RGS22: variants seen among roughly 807,000 people sequenced by gnomAD.
RGS22 encodes regulator of G-protein signaling 22.
In RGS22, 148 loss-of-function variants were observed where a neutral mutation model predicts 172.9. That is an observed-to-expected ratio of 0.86 (90% CI 0.75 to 0.98). RGS22 has a LOEUF of 0.98. Among genes scored for constraint, RGS22 ranks in the 50% least tolerant of loss-of-function variants. The pLI is 0.00. For missense variants in RGS22, 1,347 were observed against 1,440.8 expected (o/e 0.93, Z 1.05); for synonymous variants, 458 against 480.2 (o/e 0.95, Z 0.60).
At chr8:100,099,253 A>C (rs1813276932) in intron 2 of RGS22, among the ~76,000 whole-genome samples, 1 of 152,076 alleles carries the variant, frequency 6.6e-6, no homozygotes, top group Non-Finnish European at 1.5e-5. Flanking sequence ...CCAATCCAAT[A>C]CTTCGAATTA....
intron 9 of RGS22, among the ~76,000 whole-genome samples, chr8:100,060,444 AC>A: frequency 6.8e-6 from 1 of 146,284 alleles, no homozygotes; most frequent in South Asian, 2.2e-4. Context: ...ACACACACGC[AC>A]CCCAACTTTA....
At chr8:99,984,180 G>A (rs932958573) in intron 21 of RGS22, among the ~76,000 whole-genome samples, 1 of 152,070 alleles carries the variant, frequency 6.6e-6, no homozygotes, top group Non-Finnish European at 1.5e-5. Flanking sequence ...CAGCTACTGG[G>A]GAGGCTTAGG....
intron 14 of RGS22, among the ~76,000 whole-genome samples, chr8:100,029,701 T>TAAAAAAAA (rs1460090144): frequency 2.3e-5 from 1 of 42,774 alleles, no homozygotes; most frequent in Non-Finnish European, 3.9e-5. Context: ...AAACTCCGTC[T>TAAAAAAAA]CAAAAAAAAA....
intron 3 of RGS22, chr8:100,093,060 C>T (rs774958277): frequency 3.9e-4 from 61 of 155,536 alleles, no homozygotes; most frequent in Admixed American, 5.2e-4. Flanking sequence ...GTTCCAGCTA[C>T]TTGGGAGGCA....
chr8:100,018,561 T>C (rs1294369489), intron 14 of RGS22, among the ~76,000 whole-genome samples: 2 of 152,204 alleles, frequency 1.3e-5, no homozygotes, highest in Non-Finnish European at 2.9e-5. Flanking sequence ...TTTGCTGACA[T>C]TGTTGGGGGA....
chr8:99,999,490 T>C, intron 18 of RGS22, 70 bp from the exon 19 acceptor site: 1 of 1,533,732 alleles, frequency 6.5e-7, no homozygotes. Flanking sequence ...CATTAATTCA[T>C]TCATTCACTA....
At chr8:100,074,482 C>T (rs1185015149) in intron 4 of RGS22, among the ~76,000 whole-genome samples, 1 of 152,172 alleles carries the variant, frequency 6.6e-6, no homozygotes, top group East Asian at 1.9e-4. Context: ...CGTAGTTTTG[C>T]CTTTTCCAGA....
At chr8:100,092,002 G>T (rs757034667) in intron 3 of RGS22, 4 of 152,104 alleles carry the variant, frequency 2.6e-5, no homozygotes, top group Non-Finnish European at 5.9e-5. Flanking sequence ...GCCCAACAGA[G>T]AGAGTACAAA....
intron 11 of RGS22, chr8:100,042,799 G>A (rs776739649): frequency 1.3e-5 from 2 of 152,076 alleles, no homozygotes; most frequent in Non-Finnish European, 2.9e-5. Context: ...TCTATATACA[G>A]TACCACTGAG....
chr8:99,980,809 G>C (rs769297077), intron 22 of RGS22, among the ~76,000 whole-genome samples: 1 of 152,152 alleles, frequency 6.6e-6, no homozygotes, highest in Non-Finnish European at 1.5e-5. Flanking sequence ...CTTTGGTATC[G>C]ATGGGTAAGT....
chr8:99,987,875 A>G (rs976431117), intron 20 of RGS22, among the ~76,000 whole-genome samples: 11 of 152,134 alleles, frequency 7.2e-5, no homozygotes, highest in African/African-American at 2.2e-4. Context: ...CAGTTATTAC[A>G]GCTTGAGATT....
intron 11 of RGS22, 182 bp from the exon 12 acceptor site, chr8:100,042,098 T>G (rs980168626): frequency 2.1e-6 from 1 of 469,306 alleles, no homozygotes; most frequent in East Asian, 3.9e-5. Flanking sequence ...AAATGAGTCA[T>G]AGTTATACAG....
At position 100,006,040 on chromosome 8, in the gene RGS22, CT is replaced by C; in HGVS notation, c.2430del (p.Glu811ArgfsTer81). 6.2e-7 allele frequency: 1 copy of C among 1,613,212 alleles called. No homozygotes were observed. Among genetic ancestry groups the C allele is most frequent in the Non-Finnish European group, 8.5e-7 (1 of 1,179,574 alleles). ...ACCTCAGCTTTCTTGGAAAATGTCT[CT>C]TTATGCAAAGCCTGTAGCTTTCTGA... is the stretch of plus-strand genomic sequence containing the variant. ...TYFRKLQALH[K>X]ETFSKKAEDT... On this transcript the variant is annotated frameshift_variant, in exon 16 of 28. Coordinates refer to ENST00000360863, the MANE Select transcript of RGS22 (RefSeq NM_015668.5). LOFTEE classifies it high-confidence loss of function.
intron 21 of RGS22, among the ~76,000 whole-genome samples, chr8:99,985,412 A>G (rs940709609): frequency 1.3e-5 from 2 of 152,176 alleles, no homozygotes; most frequent in East Asian, 3.8e-4. Context: ...TCATGGCCCA[A>G]TGCAAGTGTC....
In RGS22 at chr8:100,063,988, T is replaced by A; in HGVS notation, c.780A>T (p.Lys260Asn). ...VHPRTKKDPS[K>N]TNKLISEFEE... ...CAAATTCAGAAATCAATTTGTTGGTTTTAGATGGGTCCTTTTTTGTCCTAG... is the reference window on the plus strand; with the variant it reads ...CAAATTCAGAAATCAATTTGTTGGTATTAGATGGGTCCTTTTTTGTCCTAG... Residue 260 changes from lysine (K) to asparagine (N), a missense_variant, in exon 8 of 28, where the codon AAA becomes AAT. By Grantham distance (94) the Lys-to-Asn change is moderately conservative (BLOSUM62 0). Transcript: ENST00000360863. The A allele has an allele frequency of 1.3e-6, 2 of 1,557,548 alleles. No individual in the cohort carries two copies. Among genetic ancestry groups the A allele is most frequent in the Non-Finnish European group, 8.6e-7 (1 of 1,156,394 alleles).
chr8:100,028,353 GA>G (rs1322578248), intron 14 of RGS22, among the ~76,000 whole-genome samples: 1 of 147,866 alleles, frequency 6.8e-6, no homozygotes, highest in East Asian at 2.0e-4. Context: ...CAAGATACCA[GA>G]AAAGGAAATC....
chr8:99,966,725 G>A (rs974365621), intron 23 of RGS22, among the ~76,000 whole-genome samples: 3 of 152,102 alleles, frequency 2.0e-5, no homozygotes, highest in African/African-American at 7.2e-5. Context: ...CTTTAAAAAT[G>A]ATAAAATGAG....
intron 3 of RGS22, among the ~76,000 whole-genome samples, chr8:100,082,934 T>C (rs1009689015): frequency 3.3e-5 from 5 of 152,144 alleles, no homozygotes; most frequent in African/African-American, 1.2e-4. Flanking sequence ...AGAACAAGAA[T>C]AGCCGTAGTT....
In RGS22 at chr8:100,052,192, T is replaced by C. The variant is rs1387496141; in HGVS notation, c.1689+610A>G. 3.0e-5 allele frequency among the ~76,000 whole-genome samples: 4 copies of C among 132,258 alleles called. No individual in the cohort carries two copies. The East Asian group carries it at 6.4e-4, about 21-fold the overall frequency. The allele number at this position is 132,258 out of a possible 152,430, so 86.8% of individuals were successfully genotyped here. A position where few individuals can be genotyped will look rare whatever the true frequency, so the allele number is the denominator to read the frequency against. On this transcript the variant is annotated intron_variant, in intron 10 of 27. Transcript: ENST00000360863. ...AAACATATATAAATATATAAACATA[T>C]ATAAATATATAAACATATATAAATA...
Sources: allele counts gnomAD v4.1 joint callset (sites outside exome capture counted in the v4.1 genomes callset), GRCh38; gene constraint gnomAD v4.1.1; transcripts MANE v1.5; gene names NCBI Gene and HGNC (gene_info 2026-07-23, HGNC 2026-07-21).